VWA3A: variants seen among roughly 807,000 people sequenced by gnomAD.
VWA3A encodes the protein von Willebrand factor A domain containing 3A.
Under a neutral mutation model 160.4 loss-of-function variants are expected in VWA3A, and 134 were observed. That is an observed-to-expected ratio of 0.84 (90% CI 0.73 to 0.96). VWA3A has a LOEUF of 0.96. VWA3A is among the 40% of genes least tolerant of loss of function. The pLI is 0.00. For missense variants in VWA3A, 1,310 were observed against 1,447.9 expected (o/e 0.90, Z 1.55); for synonymous variants, 476 against 543.4 (o/e 0.88, Z 1.72).
chr16:22,111,442 C>A (rs1382698919), intron 8 of VWA3A, among the ~76,000 whole-genome samples: 8 of 152,076 alleles, frequency 5.3e-5, no homozygotes, highest in Non-Finnish European at 2.9e-5. Flanking sequence ...ACCTCAGCCT[C>A]CTGAGTAGTT....
chr16:22,116,859 A>T lies in VWA3A; in HGVS notation c.916A>T (p.Met306Leu), dbSNP rs747017159. ...HFITYRCDDQ[M>L]PPAVLKNLAE... ...CATCACCTACAGATGCGATGATCAG[A>T]TGCCCCCTGTGAGTGCCCGAGATTC... The change falls in exon 10 of 34, where the codon ATG becomes TTG. Residue 306 changes from methionine (M) to leucine (L), a missense_variant. Transcript: ENST00000389398. 116 of 1,612,586 alleles carry T rather than the reference A, an allele frequency of 7.2e-5. No individual in the cohort carries two copies. The highest frequency in any genetic ancestry group is 3.3e-4 in the Admixed American group (20 of 60,004).
intron 3 of VWA3A, among the ~76,000 whole-genome samples, chr16:22,098,967 G>A (rs554596017): frequency 2.7e-5 from 4 of 149,262 alleles, no homozygotes; most frequent in Admixed American, 2.0e-4. Flanking sequence ...GTGGTGGCAC[G>A]TGCCTATAGT....
At position 22,141,486 on chromosome 16, in the gene VWA3A, A is replaced by G; in HGVS notation, c.2384-96A>G. The G allele has an allele frequency of 8.0e-6, 9 of 1,121,346 alleles. No homozygotes were observed. In the South Asian group the frequency reaches 1.3e-4, roughly 16 times the overall value. The allele number at this position is 1,121,346 out of a possible 1,614,324, so 69.5% of individuals were successfully genotyped here. On this transcript the variant is annotated intron_variant, in intron 23 of 33. Coordinates refer to ENST00000389398, the MANE Select transcript of VWA3A (RefSeq NM_173615.5). Reference sequence around the variant, plus strand: ...CTTGGAGCCCCATTTCCTGGGGTGGAGTATAGCTGAACTTGAGTGTCTCTA... The same window carrying G: ...CTTGGAGCCCCATTTCCTGGGGTGGGGTATAGCTGAACTTGAGTGTCTCTA...
rs397821992 is a variant in VWA3A, at chr16:22,093,953, T to TA, written c.14+1303dup. On this transcript the variant is annotated intron_variant, in intron 1 of 33. Transcript: ENST00000389398. Reference sequence around the variant, plus strand: ...CTAATTTTTGTATTTTTTTTTTTTTTATATAGAGACGGGGTCTCGTTATGT... The same window carrying TA: ...CTAATTTTTGTATTTTTTTTTTTTTTAATATAGAGACGGGGTCTCGTTATGT... 2.6e-3 allele frequency among the ~76,000 whole-genome samples: 387 copies of TA among 148,454 alleles called. 3 individuals are homozygous for TA. The highest frequency in any genetic ancestry group is 9.3e-3 in the African/African-American group (364 of 39,124).
At chr16:22,139,837 C>A (rs1347268416) in intron 22 of VWA3A, among the ~76,000 whole-genome samples, 1 of 152,136 alleles carries the variant, frequency 6.6e-6, no homozygotes, top group Non-Finnish European at 1.5e-5. Context: ...AAAATTCTGG[C>A]AAACCCCCAT....
At chr16:22,154,879 G>A (rs1019068940) in intron 31 of VWA3A, among the ~76,000 whole-genome samples, 13 of 143,550 alleles carry the variant, frequency 9.1e-5, no homozygotes, top group Admixed American at 2.9e-4. Context: ...GCGTGAACCC[G>A]GGAAGCGGAG....
intron 5 of VWA3A, among the ~76,000 whole-genome samples, chr16:22,101,453 C>T (rs1003127721): frequency 6.6e-6 from 1 of 152,148 alleles, no homozygotes; most frequent in African/African-American, 2.4e-5. Flanking sequence ...TTTCATGCTG[C>T]TGATAAAGAC....
intron 31 of VWA3A, among the ~76,000 whole-genome samples, chr16:22,153,895 G>A (rs970328464): frequency 2.6e-5 from 4 of 151,704 alleles, no homozygotes; most frequent in Non-Finnish European, 5.9e-5. Context: ...GTGCCACCAC[G>A]CCCAGCTAAT....
intron 6 of VWA3A, among the ~76,000 whole-genome samples, chr16:22,109,169 T>C (rs554247874): frequency 2.9e-4 from 44 of 152,294 alleles, no homozygotes; most frequent in African/African-American, 8.9e-4. Context: ...ATTTTATATC[T>C]TCAAACAAAG....
chr16:22,094,123 A>G (rs1245254170), intron 1 of VWA3A, among the ~76,000 whole-genome samples: 1 of 151,964 alleles, frequency 6.6e-6, no homozygotes, highest in Non-Finnish European at 1.5e-5. Context: ...TATGCAGTTC[A>G]ACCCCTTCTC....
intron 21 of VWA3A, among the ~76,000 whole-genome samples, chr16:22,136,889 A>G (rs1391105648): frequency 9.0e-6 from 1 of 111,662 alleles, no homozygotes; most frequent in Non-Finnish European, 1.7e-5. Flanking sequence ...ACACACACAC[A>G]CACACGCACA....
At chr16:22,129,480 C>T (rs1361749094) in intron 17 of VWA3A, among the ~76,000 whole-genome samples, 3 of 151,284 alleles carry the variant, frequency 2.0e-5, no homozygotes, top group Non-Finnish European at 4.4e-5. Flanking sequence ...TCATCACTGG[C>T]TGTAGGGGGT....
At position 22,136,893 on chromosome 16, in the gene VWA3A, A is replaced by ACACG. The variant is rs1555459592; in HGVS notation, c.2140-1466_2140-1465insACGC. On this transcript the variant is annotated intron_variant, in intron 21 of 33. Coordinates refer to ENST00000389398, the MANE Select transcript of VWA3A (RefSeq NM_173615.5). Reference sequence around the variant, plus strand: ...TAAAAATACACACACACACACACACACGCACACACACACACACACACACAC... The same window carrying ACACG: ...TAAAAATACACACACACACACACACACACGCGCACACACACACACACACACACAC... 6.3e-3 allele frequency among the ~76,000 whole-genome samples: 625 copies of ACACG among 98,640 alleles called. 7 individuals carry two copies. Among genetic ancestry groups the ACACG allele is most frequent in the African/African-American group, 0.029 (535 of 18,706 alleles). 64.7% of individuals were successfully genotyped at this position (98,640 alleles called of 152,430 possible). A position where few individuals can be genotyped will look rare whatever the true frequency, so the allele number is the denominator to read the frequency against.
At chr16:22,098,301 G>A (rs2045355926) in intron 3 of VWA3A, among the ~76,000 whole-genome samples, 1 of 152,082 alleles carries the variant, frequency 6.6e-6, no homozygotes, top group Non-Finnish European at 1.5e-5. Flanking sequence ...AACAATACAG[G>A]TATAATGCTG....
At position 22,109,477 on chromosome 16, in the gene VWA3A, T is replaced by G; in HGVS notation, c.484-5T>G. The G allele has an allele frequency of 6.3e-7, 1 of 1,586,960 alleles. No homozygotes were observed. Among genetic ancestry groups the G allele is most frequent in the Non-Finnish European group, 8.6e-7 (1 of 1,166,778 alleles). ...GCTGTTTCCAAATGCCCTCTTTGGT[T>G]TTAGGCATTTGGCCTCATCAAAGGG... On this transcript the variant is annotated splice_region_variant and splice_polypyrimidine_tract_variant and intron_variant, in intron 6 of 33. Transcript: ENST00000389398.
chr16:22,118,144 G>A (rs2045675413), intron 11 of VWA3A, among the ~76,000 whole-genome samples: 1 of 151,996 alleles, frequency 6.6e-6, no homozygotes, highest in South Asian at 2.1e-4. Context: ...AGTCTGGTGT[G>A]GTAGCACATG....
rs1186948907 is a variant in VWA3A, at chr16:22,131,537, C to CTGGGCA, written c.1728-42_1728-37dup. The CTGGGCA allele has an allele frequency of 2.5e-6, 4 of 1,600,316 alleles. No homozygotes were observed. In the Admixed American group the frequency reaches 6.8e-5, roughly 27 times the overall value. On this transcript the variant is annotated intron_variant, in intron 18 of 33. Coordinates refer to ENST00000389398, the MANE Select transcript of VWA3A (RefSeq NM_173615.5). ...CTCAGCTACTCCCAAAAGGTATGCC[C>CTGGGCA]TGGGCATGGGCCAATGACCCTCAGC...
intron 16 of VWA3A, among the ~76,000 whole-genome samples, chr16:22,125,512 C>T (rs1243555454): frequency 6.6e-6 from 1 of 152,062 alleles, no homozygotes; most frequent in Non-Finnish European, 1.5e-5. Flanking sequence ...CAAGCTCTGC[C>T]TCCCGGGTTC....
Position 22,131,612 on chromosome 16 carries a change from C to T in VWA3A, c.1755C>T (p.Gly585=), listed in dbSNP as rs775483954. Reference sequence around the variant, plus strand: ...GGGCCCTGAACCTGCGGTGTCGGGGCAGCAGGAACGTTCTCAGCGCCCTGC... The same window carrying T: ...GGGCCCTGAACCTGCGGTGTCGGGGTAGCAGGAACGTTCTCAGCGCCCTGC... ...WRWALNLRCR[G]SRNVLSALRK... The change falls in exon 19 of 34, where the codon GGC becomes GGT. Residue 585 remains glycine, a synonymous_variant. Coordinates refer to ENST00000389398, the MANE Select transcript of VWA3A (RefSeq NM_173615.5). The T allele has an allele frequency of 1.9e-6, 3 of 1,613,612 alleles. No homozygotes were observed. The African/African-American group carries it at 4.0e-5, about 22-fold the overall frequency.
Sources: allele counts gnomAD v4.1 joint callset (sites outside exome capture counted in the v4.1 genomes callset), GRCh38; gene constraint gnomAD v4.1.1; transcripts MANE v1.5; gene names NCBI Gene and HGNC (gene_info 2026-07-23, HGNC 2026-07-21).